The following DYNLT5 variants were observed in gnomAD, a reference collection of about 807,000 sequenced individuals.
DYNLT5 encodes dynein light chain Tctex-type family member 5, also known as dynein light chain Tctex-type 5.
DYNLT5 carries 25 observed loss-of-function variants against 19.3 expected under a neutral mutation model. The ratio of observed to expected loss-of-function variants is 1.30; its 90% CI spans 0.95 to 1.81. DYNLT5 has a LOEUF of 1.81. DYNLT5 is among the 40% of genes most tolerant of loss of function. DYNLT5 has a pLI of 0.00. For synonymous variants in DYNLT5, 82 were observed against 68.9 expected (o/e 1.19, Z -0.94); for missense variants, 232 against 217.9 (o/e 1.06, Z -0.41).
chr1:66,776,909 C>G (rs991515646), intron 4 of DYNLT5, among the ~76,000 whole-genome samples: 3 of 152,146 alleles, frequency 2.0e-5, no homozygotes, highest in Non-Finnish European at 2.9e-5. Flanking sequence ...TAGACATGAA[C>G]AAGACAGTGT....
In DYNLT5 at chr1:66,777,547, A is replaced by G. The variant is rs1645244505; in HGVS notation, c.*93A>G. On this transcript the variant is annotated 3_prime_UTR_variant, in exon 5 of 5. Transcript: ENST00000282670. ...GTTTTACTGCCAAAAACTTTGAGAA[A>G]GAAACAACACTGATATTTCAAGCAA... The G allele has an allele frequency of 9.2e-7, 1 of 1,082,432 alleles. No individual in the cohort carries two copies. Among genetic ancestry groups the G allele is most frequent in the Non-Finnish European group, 1.3e-6 (1 of 761,980 alleles). 67.1% of individuals were successfully genotyped at this position (1,082,432 alleles called of 1,614,324 possible).
At chr1:66,771,980 TGAATTTTTTAATAATTA>T (rs1645206763) in intron 3 of DYNLT5, among the ~76,000 whole-genome samples, 1 of 152,228 alleles carries the variant, frequency 6.6e-6, no homozygotes, top group Admixed American at 6.5e-5. Context: ...ATAGTCTATG[TGAATTTTTTAATAATTA>T]AAATATTTTA....
intron 2 of DYNLT5, 63 bp from the exon 3 acceptor site, chr1:66,770,324 A>C (rs1051192203): frequency 9.4e-7 from 1 of 1,067,612 alleles, no homozygotes; most frequent in Non-Finnish European, 1.4e-6. Flanking sequence ...GCTTAAAGCA[A>C]TATTGTATTT....
intron 2 of DYNLT5, among the ~76,000 whole-genome samples, chr1:66,764,263 G>A (rs979837523): frequency 6.6e-6 from 1 of 152,150 alleles, no homozygotes; most frequent in South Asian, 2.1e-4. Context: ...GGCCCAAAAG[G>A]CCTAGCTTTC....
chr1:66,766,548 T>C (rs1191848602), intron 2 of DYNLT5, among the ~76,000 whole-genome samples: 1 of 152,234 alleles, frequency 6.6e-6, no homozygotes, highest in Non-Finnish European at 1.5e-5. Context: ...CATAAAACTG[T>C]TTTATTTCTA....
At position 66,776,280 on chromosome 1, in the gene DYNLT5, T is replaced by C. The variant is rs747936772; in HGVS notation, c.213T>C (p.Gly71=). The C allele has an allele frequency of 5.0e-6, 8 of 1,611,652 alleles. No homozygotes were observed. The highest frequency in any genetic ancestry group is 6.8e-6 in the Non-Finnish European group (8 of 1,179,008). ...TVQMENTYQL[G]PPKHFPVVTV... The stretch of plus-strand genomic sequence containing the variant: ...AATAAATTTTATGTGTATTTTCAGG[T>C]CCTCCCAAACATTTTCCTGTGGTCA... The change falls in exon 4 of 5, where the codon GGT becomes GGC. Residue 71 remains glycine (G), a splice_region_variant and synonymous_variant. Transcript: ENST00000282670.
chr1:66,776,094 T>C (rs917081536), intron 3 of DYNLT5, 185 bp from the exon 4 acceptor site: 1 of 621,064 alleles, frequency 1.6e-6, no homozygotes, highest in Non-Finnish European at 2.5e-6. Flanking sequence ...TACGAAAATA[T>C]TGTCTTCTTG....
intron 2 of DYNLT5, among the ~76,000 whole-genome samples, chr1:66,764,529 A>G (rs1331511876): frequency 6.6e-6 from 1 of 152,230 alleles, no homozygotes; most frequent in Non-Finnish European, 1.5e-5. Context: ...GCTTCTTTAT[A>G]TGGATACAGT....
At chr1:66,776,952 C>T (rs917266187) in intron 4 of DYNLT5, among the ~76,000 whole-genome samples, 3 of 152,106 alleles carry the variant, frequency 2.0e-5, no homozygotes, top group Admixed American at 6.5e-5. Context: ...GACATGAAGC[C>T]ATCTTAACAT....
At chr1:66,757,572 A>G (rs2094638459) in intron 2 of DYNLT5, among the ~76,000 whole-genome samples, 1 of 152,176 alleles carries the variant, frequency 6.6e-6, no homozygotes, top group South Asian at 2.1e-4. Flanking sequence ...TACACTACAC[A>G]GTGGTCATCA....
intron 2 of DYNLT5, among the ~76,000 whole-genome samples, chr1:66,764,872 C>A (rs1408453381): frequency 6.6e-6 from 1 of 152,178 alleles, no homozygotes. Flanking sequence ...CAAATAACAT[C>A]ATCTACTGCT....
At chr1:66,776,891 T>A (rs1160777344) in intron 4 of DYNLT5, among the ~76,000 whole-genome samples, 1 of 152,194 alleles carries the variant, frequency 6.6e-6, no homozygotes, top group Non-Finnish European at 1.5e-5. Flanking sequence ...GATGTATGGT[T>A]TCTTAATTAG....
intron 2 of DYNLT5, among the ~76,000 whole-genome samples, chr1:66,760,227 C>G (rs2094643557): frequency 6.6e-6 from 1 of 152,096 alleles, no homozygotes; most frequent in African/African-American, 2.4e-5. Context: ...ATTTTATTGT[C>G]TATTCTCTGT....
At chr1:66,761,453 G>A in intron 2 of DYNLT5, among the ~76,000 whole-genome samples, 1 of 152,188 alleles carries the variant, frequency 6.6e-6, no homozygotes, top group South Asian at 2.1e-4. Flanking sequence ...CAGGGATATG[G>A]TTGCTGAAGG....
chr1:66,761,982 T>C (rs1195824528), intron 2 of DYNLT5, among the ~76,000 whole-genome samples: 1 of 152,168 alleles, frequency 6.6e-6, no homozygotes, highest in Non-Finnish European at 1.5e-5. Flanking sequence ...TGTAATATTC[T>C]AAATTATTTG....
At chr1:66,757,012 C>T (rs185573522) in intron 2 of DYNLT5, among the ~76,000 whole-genome samples, 29 of 152,346 alleles carry the variant, frequency 1.9e-4, no homozygotes, top group African/African-American at 7.0e-4. Context: ...CTATGACCAC[C>T]TTTACCTCCA....
At chr1:66,770,275 T>A in intron 2 of DYNLT5, 112 bp from the exon 3 acceptor site, 1 of 731,492 alleles carries the variant, frequency 1.4e-6, no homozygotes, top group Non-Finnish European at 2.3e-6. Context: ...AAGACTTACT[T>A]GAAATTTTCT....
chr1:66,752,566 C>T lies in DYNLT5; in HGVS notation c.-22C>T. The T allele has an allele frequency of 1.0e-6, 1 of 985,504 alleles. No homozygotes were observed. Among genetic ancestry groups the T allele is most frequent in the Non-Finnish European group, 1.2e-6 (1 of 829,976 alleles). The allele number at this position is 985,504 out of a possible 1,614,324, so 61.0% of individuals were successfully genotyped here. A position where few individuals can be genotyped will look rare whatever the true frequency, so the allele number is the denominator to read the frequency against. ...TGCCGGAGGTCTGGGAGGCTCCGGG[C>T]GAAGCCTCCCTGCTGCAGGTAGGGT... is the stretch of plus-strand genomic sequence containing the variant. On this transcript the variant is annotated 5_prime_UTR_variant, in exon 1 of 5. Transcript: ENST00000282670.
chr1:66,776,008 G>A (rs1645232151), intron 3 of DYNLT5: 1 of 257,518 alleles, frequency 3.9e-6, no homozygotes, highest in East Asian at 8.3e-5. Context: ...CACAACAATG[G>A]GGCCTGGGAA....
Sources: gnomAD v4.1 joint callset for allele counts (sites outside exome capture counted in the v4.1 genomes callset) on GRCh38, gnomAD v4.1.1 for gene constraint, MANE v1.5 for transcripts, NCBI Gene and HGNC (gene_info 2026-07-23, HGNC 2026-07-21) for gene names.